Variants in TOX2 observed in about 807,000 individuals in gnomAD.
TOX2 encodes the protein TOX high mobility group box family member 2.
Under a neutral mutation model 47.4 loss-of-function variants are expected in TOX2, and 15 were observed. The observed-to-expected ratio is 0.32, with a 90% CI of 0.21 to 0.49. The LOEUF (loss-of-function observed/expected upper bound fraction) is 0.49. Among genes scored for constraint, TOX2 ranks in the 20% least tolerant of loss-of-function variants. The pLI is 0.99. For synonymous variants in TOX2, 290 were observed against 296.6 expected, an observed-to-expected ratio of 0.98 and a Z score of 0.23; for missense variants, 622 against 673.1, an observed-to-expected ratio of 0.92 and a Z score of 0.84.
intron 1 of TOX2, among the ~76,000 whole-genome samples, chr20:43,921,641 C>T (rs1311194611): frequency 2.0e-5 from 3 of 152,076 alleles, no homozygotes; most frequent in Admixed American, 6.5e-5. Context: ...ACAGCTGCCC[C>T]GCCATGTTCT....
intron 2 of TOX2, among the ~76,000 whole-genome samples, chr20:43,979,839 C>G (rs1449989382): frequency 1.3e-5 from 2 of 152,024 alleles, no homozygotes; most frequent in African/African-American, 4.8e-5. Flanking sequence ...GTGATCTCAC[C>G]CAGTTAAAAT....
At chr20:43,939,744 A>T (rs2069376987) in intron 1 of TOX2, among the ~76,000 whole-genome samples, 1 of 152,230 alleles carries the variant, frequency 6.6e-6, no homozygotes, top group South Asian at 2.1e-4. Context: ...TGGCACACCC[A>T]AAAAGAAAAA....
At chr20:44,057,349 A>G (rs1394412452) in intron 5 of TOX2, among the ~76,000 whole-genome samples, 1 of 152,192 alleles carries the variant, frequency 6.6e-6, no homozygotes, top group East Asian at 1.9e-4. Flanking sequence ...CTTACTTTGC[A>G]TTACCTCTCA....
intron 1 of TOX2, among the ~76,000 whole-genome samples, chr20:43,935,403 G>A (rs1311253516): frequency 6.6e-6 from 1 of 152,224 alleles, no homozygotes; most frequent in Non-Finnish European, 1.5e-5. Flanking sequence ...GCTATGTGGG[G>A]ATAAGATGGT....
rs980086686 is a variant in TOX2 at position 43,959,690 on chromosome 20, C to A, written c.100-13677C>A. ...CTCATTGTCTCAGTCACACTCGTTC[C>A]CCCCACACCACAGTGCAACCCGACG... is the stretch of plus-strand genomic sequence containing the variant. On this transcript the variant is annotated intron_variant, in intron 1 of 8. Transcript: ENST00000341197. Among the ~76,000 whole-genome samples, 6 of 152,330 alleles carry A rather than the reference C, an allele frequency of 3.9e-5. No individual in the cohort carries two copies. In the South Asian group the frequency reaches 6.2e-4, roughly 16 times the overall value.
intron 3 of TOX2, among the ~76,000 whole-genome samples, chr20:44,037,709 T>C (rs139954160): frequency 6.6e-6 from 1 of 152,170 alleles, no homozygotes; most frequent in Non-Finnish European, 1.5e-5. Flanking sequence ...TTGCTATCAT[T>C]TTCTATAAAA....
chr20:43,945,219 T>C (rs2069449322), intron 1 of TOX2, among the ~76,000 whole-genome samples: 1 of 152,254 alleles, frequency 6.6e-6, no homozygotes, highest in Non-Finnish European at 1.5e-5. Flanking sequence ...GTAACTGCTA[T>C]TAACAGCCTG....
Position 43,914,853 on chromosome 20 carries a change from C to T in TOX2, c.-39C>T. On this transcript the variant is annotated 5_prime_UTR_variant, in exon 1 of 9. Transcript: ENST00000341197. The surrounding 1 kb of genome is among the most constrained non-coding windows in gnomAD (Gnocchi z 4.5). Reference sequence around the variant, plus strand: ...CTCCCACCCGCCGCCCGCCCAGGCACTGCCCGCGGGAGCCGCCGCCGCCGC... The same window carrying T: ...CTCCCACCCGCCGCCCGCCCAGGCATTGCCCGCGGGAGCCGCCGCCGCCGC... The T allele has an allele frequency of 2.2e-6, 2 of 912,926 alleles. No individual in the cohort carries two copies. The highest frequency in any genetic ancestry group is 1.3e-6 in the Non-Finnish European group (1 of 765,004). 56.6% of individuals were successfully genotyped at this position (912,926 alleles called of 1,614,324 possible). A position where few individuals can be genotyped will look rare whatever the true frequency, so the allele number is the denominator to read the frequency against.
intron 1 of TOX2, among the ~76,000 whole-genome samples, chr20:43,946,295 A>ATCATTCAT (rs111479360): frequency 1.1e-3 from 160 of 151,890 alleles, no homozygotes; most frequent in African/African-American, 3.7e-3. Context: ...GCTGCTCAGG[A>ATCATTCAT]TCATTCATTC....
chr20:44,000,257 GC>G, intron 2 of TOX2, among the ~76,000 whole-genome samples: 1 of 152,342 alleles, frequency 6.6e-6, no homozygotes, highest in Non-Finnish European at 1.5e-5. Context: ...ATGGACCTTA[GC>G]AAAGGTGGAG....
chr20:43,933,874 C>T (rs1277382740), intron 1 of TOX2, among the ~76,000 whole-genome samples: 2 of 152,092 alleles, frequency 1.3e-5, no homozygotes, highest in Non-Finnish European at 2.9e-5. Flanking sequence ...AACTCGTGGT[C>T]ATCCAGTCAC....
chr20:44,000,157 G>A (rs541641987), intron 2 of TOX2, among the ~76,000 whole-genome samples: 58 of 152,316 alleles, frequency 3.8e-4, no homozygotes, highest in Admixed American at 3.0e-3. Context: ...GCATGGGGCC[G>A]TTGTTCCTTA....
At chr20:43,945,027 A>G (rs1364057683) in intron 1 of TOX2, among the ~76,000 whole-genome samples, 3 of 152,212 alleles carry the variant, frequency 2.0e-5, no homozygotes, top group Admixed American at 6.5e-5. Flanking sequence ...AAGCCCGATC[A>G]AGGCTTGTGG....
chr20:44,014,684 C>T (rs933749552), intron 3 of TOX2, among the ~76,000 whole-genome samples: 7 of 152,104 alleles, frequency 4.6e-5, no homozygotes, highest in Admixed American at 1.3e-4. Flanking sequence ...GTCAGCGATC[C>T]GATGCAGGTG....
intron 1 of TOX2, among the ~76,000 whole-genome samples, chr20:43,961,234 G>A (rs1406517400): frequency 6.6e-6 from 1 of 152,200 alleles, no homozygotes; most frequent in African/African-American, 2.4e-5. Flanking sequence ...GAGAAAGCAG[G>A]GAGTTTCAGG....
intron 3 of TOX2, among the ~76,000 whole-genome samples, chr20:44,041,660 C>T (rs1021449137): frequency 2.0e-5 from 3 of 152,124 alleles, no homozygotes; most frequent in East Asian, 1.9e-4. Flanking sequence ...ATGAAAGGTC[C>T]GACTATATAT....
chr20:44,000,091 T>A (rs138840829), intron 2 of TOX2, among the ~76,000 whole-genome samples: 1 of 152,236 alleles, frequency 6.6e-6, no homozygotes, highest in East Asian at 1.9e-4. Flanking sequence ...GAATAGGAGA[T>A]GATGACGTCA....
chr20:44,034,171 T>A (rs906389838), intron 3 of TOX2, among the ~76,000 whole-genome samples: 1 of 152,020 alleles, frequency 6.6e-6, no homozygotes, highest in African/African-American at 2.4e-5. Context: ...CCTTTGCATG[T>A]GCCGTTCTTG....
intron 2 of TOX2, among the ~76,000 whole-genome samples, chr20:43,987,684 G>T (rs866884068): frequency 7.9e-5 from 12 of 152,108 alleles, no homozygotes; most frequent in Non-Finnish European, 1.6e-4. Flanking sequence ...TGAGAGCATG[G>T]ATGGGCGAGC....
Sources: gnomAD v4.1 joint callset for allele counts (sites outside exome capture counted in the v4.1 genomes callset) on GRCh38, gnomAD v4.1.1 for gene constraint, Gnocchi (gnomAD v3.1) non-coding constraint, MANE v1.5 for transcripts, NCBI Gene and HGNC (gene_info 2026-07-23, HGNC 2026-07-21) for gene names.